The following PKD1L1 variants were observed in gnomAD, a reference collection of about 807,000 sequenced individuals.
PKD1L1 encodes the protein polycystin 1 like 1, transient receptor potential channel interacting.
PKD1L1 carries 236 observed loss-of-function variants against 323.4 expected under a neutral mutation model. The observed-to-expected ratio is 0.73, with a 90% CI of 0.66 to 0.81. The LOEUF is 0.81. PKD1L1 is among the 40% of genes least tolerant of loss of function. PKD1L1 has a pLI of 0.00. For missense variants in PKD1L1, 3,320 were observed against 3,508.0 expected, an observed-to-expected ratio of 0.95 and a Z score of 1.35; for synonymous variants, 1,344 against 1,335.0, an observed-to-expected ratio of 1.01 and a Z score of -0.15.
At chr7:47,818,232 G>A in intron 46 of PKD1L1, 1 of 1,324,518 alleles carries the variant, frequency 7.5e-7, no homozygotes, top group Non-Finnish European at 1.0e-6. Context: ...TCACGCCAAA[G>A]GAAAGGAAGA....
At chr7:47,945,769 G>A (rs1583696495) in intron 1 of PKD1L1, among the ~76,000 whole-genome samples, 1 of 152,234 alleles carries the variant, frequency 6.6e-6, no homozygotes, top group East Asian at 1.9e-4. Flanking sequence ...CCCACACAAG[G>A]TTAGATAGCC....
chr7:47,836,777 C>T (rs1260272922), intron 37 of PKD1L1, 144 bp downstream of exon 37: 1 of 1,051,504 alleles, frequency 9.5e-7, no homozygotes, highest in Non-Finnish European at 1.4e-6. Flanking sequence ...CCTGTTCCTT[C>T]TCTGGTCCCC....
intron 56 of PKD1L1, among the ~76,000 whole-genome samples, chr7:47,789,236 G>A (rs1786884039): frequency 6.6e-6 from 1 of 152,158 alleles, no homozygotes; most frequent in South Asian, 2.1e-4. Flanking sequence ...GGTGCTTTTG[G>A]AGGGATAGAA....
At position 47,897,986 on chromosome 7, in the gene PKD1L1, A is replaced by C. The variant is rs1362183662; in HGVS notation, c.2271+2T>G. On this transcript the variant is annotated splice_donor_variant, in intron 14 of 56. Transcript: ENST00000289672. LOFTEE classifies it high-confidence loss of function. ...AGTAGAGCAGTAAGTCAGCCAGCTG[A>C]CCTTGGCAAGGGCAGTGTAGTTCCC... 1.9e-6 allele frequency: 3 copies of C among 1,601,118 alleles called. No individual in the cohort carries two copies. The highest frequency in any genetic ancestry group is 2.6e-6 in the Non-Finnish European group (3 of 1,172,960).
intron 43 of PKD1L1, 68 bp from the exon 44 acceptor site, chr7:47,829,669 C>T: frequency 6.9e-7 from 1 of 1,443,714 alleles, no homozygotes; most frequent in Non-Finnish European, 9.3e-7. Flanking sequence ...CAGAGCTGTC[C>T]TCCCGTCCCC....
At position 47,945,689 on chromosome 7, in the gene PKD1L1, G is replaced by C. The variant is rs912271028; in HGVS notation, c.45-2178C>G. ...AGCGGGCAAATAAAATTAAGGAAAG[G>C]ACGAACCTAACCTCTGTCCACCACG... On this transcript the variant is annotated intron_variant, in intron 1 of 56. Coordinates refer to ENST00000289672, the MANE Select transcript of PKD1L1 (RefSeq NM_138295.5). 2.6e-5 allele frequency among the ~76,000 whole-genome samples: 4 copies of C among 152,162 alleles called. No homozygotes were observed. The East Asian group carries it at 7.7e-4, about 29-fold the overall frequency.
intron 26 of PKD1L1, among the ~76,000 whole-genome samples, chr7:47,862,971 C>G (rs1786066020): frequency 6.6e-6 from 1 of 152,116 alleles, no homozygotes; most frequent in South Asian, 2.1e-4. Context: ...CTAAGGTGGC[C>G]TGAGAGGAGG....
chr7:47,956,031 G>A, the PKD1L1 span, among the ~76,000 whole-genome samples: 70,508 of 151,486 alleles, frequency 0.47, 16,917 homozygotes, highest in East Asian at 0.53. Flanking sequence ...GAGAAGTGAA[G>A]CTTACTGGCT....
In PKD1L1 at chr7:47,792,717, G is replaced by T. The variant is rs142464091; in HGVS notation, c.8436C>A (p.Leu2812=). The T allele has an allele frequency of 5.8e-5, 94 of 1,613,990 alleles. No individual in the cohort carries two copies. The highest frequency in any genetic ancestry group is 7.8e-5 in the Non-Finnish European group (92 of 1,179,988). ...KINGLSDSLQ[L]PLLEKTSNNT... is the part of the protein sequence containing the mutation. Reference sequence around the variant, plus strand: ...TGTTGGATGTTTTTTCCAGAAGGGGGAGTTGTAGGCTGTCGGACAAACCAT... The same window carrying T: ...TGTTGGATGTTTTTTCCAGAAGGGGTAGTTGTAGGCTGTCGGACAAACCAT... Residue 2812 remains leucine, a synonymous_variant, in exon 56 of 57, where the codon CTC becomes CTA. Coordinates refer to ENST00000289672, the MANE Select transcript of PKD1L1 (RefSeq NM_138295.5).
intron 3 of PKD1L1, among the ~76,000 whole-genome samples, chr7:47,938,565 G>C (rs916030607): frequency 6.6e-6 from 1 of 152,206 alleles, no homozygotes; most frequent in East Asian, 1.9e-4. Flanking sequence ...TGCCCAGCAC[G>C]TCCAGGAGCT....
At chr7:47,932,173 CTG>C in intron 4 of PKD1L1, 117 bp from the exon 5 acceptor site, 1 of 1,445,340 alleles carries the variant, frequency 6.9e-7, no homozygotes, top group African/African-American at 1.4e-5. Flanking sequence ...AATTCCCTTG[CTG>C]TGATTGCAGG....
upstream of PKD1L1, among the ~76,000 whole-genome samples, chr7:47,952,362 C>G (rs544947472): frequency 1.8e-4 from 28 of 152,288 alleles, no homozygotes; most frequent in Non-Finnish European, 2.5e-4. Flanking sequence ...GATCAGCATT[C>G]AAATCAGGGG....
intron 24 of PKD1L1, among the ~76,000 whole-genome samples, chr7:47,872,912 C>T (rs1451677247): frequency 2.6e-5 from 4 of 152,130 alleles, no homozygotes; most frequent in African/African-American, 4.8e-5. Flanking sequence ...AAACAACCCA[C>T]ACATCCATCA....
At chr7:47,818,846 T>C (rs1037549064) in intron 46 of PKD1L1, among the ~76,000 whole-genome samples, 4 of 152,226 alleles carry the variant, frequency 2.6e-5, no homozygotes, top group African/African-American at 9.6e-5. Flanking sequence ...TCATGAAGTC[T>C]TTCATAAGTT....
intron 56 of PKD1L1, among the ~76,000 whole-genome samples, chr7:47,790,332 TA>T (rs1156700109): frequency 7.7e-4 from 77 of 99,768 alleles, no homozygotes; most frequent in African/African-American, 2.4e-3. Context: ...GCTAAATAAA[TA>T]ATTTTTTTTT....
chr7:47,882,946 C>T (rs1018876855), intron 19 of PKD1L1, among the ~76,000 whole-genome samples: 13 of 152,102 alleles, frequency 8.5e-5, no homozygotes, highest in Non-Finnish European at 1.9e-4. Context: ...AAGAAGGAGT[C>T]GCTGCACTTC....
chr7:47,803,041 T>C (rs908670349), intron 53 of PKD1L1, among the ~76,000 whole-genome samples, 169 bp downstream of exon 53: 2 of 152,270 alleles, frequency 1.3e-5, no homozygotes, highest in Non-Finnish European at 2.9e-5. Flanking sequence ...ACTTACTATG[T>C]AACTATTGAT....
chr7:47,858,523 C>G (rs1003022699), intron 27 of PKD1L1, 150 bp downstream of exon 27: 1 of 642,464 alleles, frequency 1.6e-6, no homozygotes, highest in African/African-American at 1.8e-5. Context: ...AAATGAAAGT[C>G]TCCAAATACC....
Position 47,858,831 on chromosome 7 carries a change from G to C in PKD1L1, c.4204C>G (p.Gln1402Glu), listed in dbSNP as rs749103059. Residue 1402 changes from glutamine to glutamate, a missense_variant, in exon 27 of 57, where the codon CAA becomes GAA. Coordinates refer to ENST00000289672, the MANE Select transcript of PKD1L1 (RefSeq NM_138295.5). ...ACAAATGGCCCCGAGAACTGGCCTT[G>C]AGCAAGGAGTGCCCGGGTGTACTTG... The part of the protein sequence containing the change: ...ILKYTRALLA[Q>E]GQFSGPFVID... The C allele has an allele frequency of 6.2e-7, 1 of 1,614,094 alleles. No homozygotes were observed.
Sources: gnomAD v4.1 joint callset for allele counts (sites outside exome capture counted in the v4.1 genomes callset) on GRCh38, gnomAD v4.1.1 for gene constraint, MANE v1.5 for transcripts, NCBI Gene and HGNC (gene_info 2026-07-23, HGNC 2026-07-21) for gene names.